ST6GALNAC5: variants seen among roughly 807,000 people sequenced by gnomAD.
The protein encoded by ST6GALNAC5 is alpha-N-acetylgalactosaminide alpha-2,6-sialyltransferase 5.
ST6GALNAC5 carries 27 observed loss-of-function variants against 33.6 expected under a neutral mutation model. The observed-to-expected ratio is 0.80, with a 90% CI of 0.59 to 1.11. The LOEUF (loss-of-function observed/expected upper bound fraction) is 1.11. Among genes scored for constraint, ST6GALNAC5 ranks in the 50% least tolerant of loss-of-function variants. The pLI is 0.00. For missense variants in ST6GALNAC5, 428 were observed against 454.0 expected, an observed-to-expected ratio of 0.94 and a Z score of 0.52; for synonymous variants, 194 against 171.2, an observed-to-expected ratio of 1.13 and a Z score of -1.04.
intron 2 of ST6GALNAC5, among the ~76,000 whole-genome samples, chr1:77,042,389 C>T (rs1270308773): frequency 2.0e-5 from 3 of 152,204 alleles, no homozygotes; most frequent in South Asian, 2.1e-4. Context: ...AAAGTGTAAG[C>T]TTTCAAGGCT....
intron 2 of ST6GALNAC5, among the ~76,000 whole-genome samples, chr1:76,949,612 C>G (rs1166498361): frequency 6.6e-6 from 1 of 152,058 alleles, no homozygotes; most frequent in Non-Finnish European, 1.5e-5. Context: ...TTATTCTGGG[C>G]ATCTGTGTTC....
Position 76,923,967 on chromosome 1 carries a change from A to G in ST6GALNAC5, c.261+55225A>G, listed in dbSNP as rs543740169. 3.3e-5 allele frequency among the ~76,000 whole-genome samples: 5 copies of G among 152,288 alleles called. No homozygotes were observed. The South Asian group carries it at 6.2e-4, about 19-fold the overall frequency. ...TTCCTGAGCTTTTGCAAATGCATCA[A>G]ATGAAAATTCTATTGAAAATATGGT... On this transcript the variant is annotated intron_variant, in intron 2 of 4. Transcript: ENST00000477717.
chr1:76,936,953 G>GGCGTGTGTGT (rs138095164), intron 2 of ST6GALNAC5, among the ~76,000 whole-genome samples: 12,436 of 139,928 alleles, frequency 0.089, 982 homozygotes, highest in East Asian at 0.16. Flanking sequence ...AGAGAAGCAG[G>GGCGTGTGTGT]GTGTGTGTGT....
chr1:76,994,935 C>T (rs978225281), intron 2 of ST6GALNAC5, among the ~76,000 whole-genome samples: 1 of 152,144 alleles, frequency 6.6e-6, no homozygotes, highest in African/African-American at 2.4e-5. Flanking sequence ...CTTTCATGCA[C>T]TTCCAGACTG....
intron 2 of ST6GALNAC5, among the ~76,000 whole-genome samples, chr1:76,994,472 G>C (rs1649849289): frequency 6.6e-6 from 1 of 152,108 alleles, no homozygotes; most frequent in Admixed American, 6.6e-5. Context: ...AGTTTCTCAG[G>C]AGTTATTTAT....
intron 3 of ST6GALNAC5, among the ~76,000 whole-genome samples, chr1:77,045,532 T>C (rs1021988924): frequency 6.6e-5 from 10 of 152,378 alleles, no homozygotes; most frequent in Non-Finnish European, 1.3e-4. Context: ...TCAATCATGA[T>C]GTAAAAATGT....
chr1:77,051,534 C>A (rs937663805), intron 4 of ST6GALNAC5, among the ~76,000 whole-genome samples: 2 of 152,076 alleles, frequency 1.3e-5, no homozygotes, highest in Non-Finnish European at 2.9e-5. Flanking sequence ...CATCCATAGA[C>A]GTGGATGTGA....
intron 2 of ST6GALNAC5, among the ~76,000 whole-genome samples, chr1:76,919,852 CTGTAG>C (rs1232845063): frequency 2.6e-5 from 4 of 152,140 alleles, no homozygotes; most frequent in Admixed American, 2.6e-4. Context: ...ATGATGAGAA[CTGTAG>C]TATCACTACA....
chr1:77,007,822 T>A (rs2100420064), intron 2 of ST6GALNAC5, among the ~76,000 whole-genome samples: 1 of 152,338 alleles, frequency 6.6e-6, no homozygotes, highest in South Asian at 2.1e-4. Flanking sequence ...AATACAAGAC[T>A]GATGGATTCG....
chr1:76,970,003 CAAAAAGGACA>C (rs1357294180), intron 2 of ST6GALNAC5, among the ~76,000 whole-genome samples: 2 of 151,852 alleles, frequency 1.3e-5, no homozygotes, highest in African/African-American at 4.8e-5. Context: ...TCAACATCAA[CAAAAAGGACA>C]AAAAAGGACA....
At chr1:76,910,967 C>T (rs2100279918) in intron 2 of ST6GALNAC5, among the ~76,000 whole-genome samples, 1 of 152,094 alleles carries the variant, frequency 6.6e-6, no homozygotes, top group East Asian at 1.9e-4. Context: ...AACCCTTTCG[C>T]CTCTAGAATT....
chr1:76,992,485 C>A (rs968945360), intron 2 of ST6GALNAC5, among the ~76,000 whole-genome samples: 3 of 110,204 alleles, frequency 2.7e-5, no homozygotes, highest in African/African-American at 1.0e-4. Context: ...CAATTGTGGT[C>A]CCTCTTTAAT....
intron 2 of ST6GALNAC5, among the ~76,000 whole-genome samples, chr1:76,997,862 A>T (rs1273948402): frequency 6.6e-6 from 1 of 152,082 alleles, no homozygotes; most frequent in Non-Finnish European, 1.5e-5. Context: ...TCCCACCCAA[A>T]TCTCACCTCA....
chr1:77,027,698 T>A (rs1197814327), intron 2 of ST6GALNAC5, among the ~76,000 whole-genome samples: 2 of 152,200 alleles, frequency 1.3e-5, no homozygotes, highest in African/African-American at 2.4e-5. Context: ...CAACCTTCAC[T>A]GCATGGAAGA....
intron 2 of ST6GALNAC5, among the ~76,000 whole-genome samples, chr1:76,994,249 C>T (rs1200250831): frequency 2.0e-5 from 3 of 152,142 alleles, no homozygotes; most frequent in Non-Finnish European, 4.4e-5. Flanking sequence ...AAATCACTTA[C>T]AAAATGGCTT....
intron 2 of ST6GALNAC5, among the ~76,000 whole-genome samples, chr1:76,920,278 TA>T (rs1023994863): frequency 1.3e-5 from 2 of 152,170 alleles, no homozygotes; most frequent in South Asian, 4.1e-4. Context: ...CTTAGAAATT[TA>T]AAAATCCAGG....
chr1:76,920,975 T>C (rs74092228), intron 2 of ST6GALNAC5, among the ~76,000 whole-genome samples: 3,527 of 152,266 alleles, frequency 0.023, 146 homozygotes, highest in African/African-American at 0.081. Flanking sequence ...CCATAATGAA[T>C]GAGAAGTGAA....
intron 2 of ST6GALNAC5, among the ~76,000 whole-genome samples, chr1:77,028,628 G>C (rs566660419): frequency 6.6e-6 from 1 of 152,220 alleles, no homozygotes; most frequent in South Asian, 2.1e-4. Context: ...ACACACAAAT[G>C]GCTGAGTTTG....
At chr1:76,991,479 A>G (rs1011495222) in intron 2 of ST6GALNAC5, among the ~76,000 whole-genome samples, 8 of 152,160 alleles carry the variant, frequency 5.3e-5, no homozygotes, top group African/African-American at 1.7e-4. Flanking sequence ...TCAAGCTTTT[A>G]TTACCATTTT....
Sources: allele counts gnomAD v4.1 joint callset (sites outside exome capture counted in the v4.1 genomes callset), GRCh38; gene constraint gnomAD v4.1.1; transcripts MANE v1.5; gene names NCBI Gene and HGNC (gene_info 2026-07-23, HGNC 2026-07-21).